VTI1A: variants seen among roughly 807,000 people sequenced by gnomAD.
VTI1A encodes the protein vesicle transport through interaction with t-SNAREs 1A.
Under a neutral mutation model 34.9 loss-of-function variants are expected in VTI1A, and 22 were observed. The observed-to-expected ratio is 0.63, with a 90% CI of 0.45 to 0.90. VTI1A has a LOEUF of 0.90. Ranked by LOEUF, VTI1A falls within the 40% of genes least tolerant of loss-of-function variation. The probability of loss-of-function intolerance (pLI) is 0.00; values close to 1 mark genes in which losing one functional copy is unlikely to be tolerated. For synonymous variants in VTI1A, 87 were observed against 97.3 expected, an observed-to-expected ratio of 0.89 and a Z score of 0.62; for missense variants, 268 against 275.6, an observed-to-expected ratio of 0.97 and a Z score of 0.20.
chr10:112,837,725 A>G, the VTI1A span, among the ~76,000 whole-genome samples: 1 of 152,200 alleles, frequency 6.6e-6, no homozygotes, highest in East Asian at 1.9e-4. Context: ...CCAAGTCCCT[A>G]GAGATATACA....
chr10:112,453,063 C>T (rs1847299701), intron 1 of VTI1A, among the ~76,000 whole-genome samples: 1 of 152,138 alleles, frequency 6.6e-6, no homozygotes, highest in South Asian at 2.1e-4. Context: ...GACAGTTTCT[C>T]AAACTGTCCT....
At chr10:112,675,207 C>T (rs1847981841) in intron 7 of VTI1A, among the ~76,000 whole-genome samples, 1 of 152,220 alleles carries the variant, frequency 6.6e-6, no homozygotes, top group South Asian at 2.1e-4. Context: ...CAGCCACAGT[C>T]CTAGACATTT....
upstream of VTI1A, chr10:112,447,173 A>G (rs1846857778): frequency 5.5e-6 from 3 of 547,098 alleles, no homozygotes; most frequent in East Asian, 8.5e-5. Context: ...CGGAAAATAA[A>G]GCACGCACGC....
At chr10:112,693,978 G>C (rs773457619) in intron 7 of VTI1A, among the ~76,000 whole-genome samples, 2 of 152,158 alleles carry the variant, frequency 1.3e-5, no homozygotes, top group African/African-American at 4.8e-5. Context: ...GAAGGCCAAG[G>C]TGGGCGGATC....
At chr10:112,469,276 A>G (rs1848002674) in intron 3 of VTI1A, among the ~76,000 whole-genome samples, 1 of 152,054 alleles carries the variant, frequency 6.6e-6, no homozygotes, top group Non-Finnish European at 1.5e-5. Context: ...CACTTCTCCA[A>G]GGATACTTTT....
At chr10:112,551,780 G>A (rs1851369118) in intron 5 of VTI1A, among the ~76,000 whole-genome samples, 1 of 152,118 alleles carries the variant, frequency 6.6e-6, no homozygotes, top group Admixed American at 6.5e-5. Flanking sequence ...GAATACATAA[G>A]GAGAGGAGGA....
At chr10:112,563,559 TGACCATTCGACTTGCGAGCCTAAACAA>T (rs1402990531) in intron 5 of VTI1A, among the ~76,000 whole-genome samples, 1 of 152,192 alleles carries the variant, frequency 6.6e-6, no homozygotes, top group Non-Finnish European at 1.5e-5. Context: ...GTGTTTACAT[TGACCATTCGACTTGCGAGCCTAAACAA>T]AGAGACATTA....
intron 7 of VTI1A, among the ~76,000 whole-genome samples, chr10:112,699,744 C>T (rs1296114323): frequency 6.6e-6 from 1 of 151,608 alleles, no homozygotes; most frequent in East Asian, 2.0e-4. Flanking sequence ...GGCAGAATCG[C>T]TTGAACCCAG....
intron 4 of VTI1A, among the ~76,000 whole-genome samples, chr10:112,531,137 A>C (rs1850426063): frequency 6.6e-6 from 1 of 150,720 alleles, no homozygotes; most frequent in African/African-American, 2.4e-5. Flanking sequence ...ATGAACCCTC[A>C]CATGCTCTGC....
At chr10:112,684,487 G>A (rs1465240936) in intron 7 of VTI1A, among the ~76,000 whole-genome samples, 2 of 135,946 alleles carry the variant, frequency 1.5e-5, no homozygotes, top group Non-Finnish European at 3.0e-5. Context: ...CACCCAGGCT[G>A]CAGTACAGTG....
At chr10:112,728,242 G>C (rs1052601508) in intron 7 of VTI1A, among the ~76,000 whole-genome samples, 1 of 152,042 alleles carries the variant, frequency 6.6e-6, no homozygotes, top group Admixed American at 6.5e-5. Context: ...AAAAGTAAAA[G>C]AAGAAAAATT....
At chr10:112,659,952 A>G (rs1227010897) in intron 5 of VTI1A, among the ~76,000 whole-genome samples, 1 of 152,240 alleles carries the variant, frequency 6.6e-6, no homozygotes, top group Non-Finnish European at 1.5e-5. Context: ...AAACAATATG[A>G]TCTGCTTAAA....
chr10:112,654,773 G>T (rs1473451354), intron 5 of VTI1A, among the ~76,000 whole-genome samples: 1 of 152,090 alleles, frequency 6.6e-6, no homozygotes, highest in Non-Finnish European at 1.5e-5. Flanking sequence ...GAGCCACCGC[G>T]CCCGGCCCCA....
chr10:112,821,267 G>A (rs1012690958), downstream of VTI1A, among the ~76,000 whole-genome samples: 3 of 152,068 alleles, frequency 2.0e-5, no homozygotes, highest in Non-Finnish European at 2.9e-5. Context: ...CGGCTCCGCC[G>A]AGAGCTGCCA....
At chr10:112,534,830 A>G (rs1850565878) in intron 4 of VTI1A, among the ~76,000 whole-genome samples, 1 of 152,152 alleles carries the variant, frequency 6.6e-6, no homozygotes, top group Admixed American at 6.5e-5. Flanking sequence ...TGCTTGTTGT[A>G]TTTGCATATA....
intron 7 of VTI1A, among the ~76,000 whole-genome samples, chr10:112,701,626 A>AT (rs1397375700): frequency 6.6e-6 from 1 of 152,190 alleles, no homozygotes; most frequent in Non-Finnish European, 1.5e-5. Flanking sequence ...TTGCTTGGAA[A>AT]TCTAGGTAGC....
At chr10:112,650,382 G>A (rs1220752256) in intron 5 of VTI1A, among the ~76,000 whole-genome samples, 1 of 152,088 alleles carries the variant, frequency 6.6e-6, no homozygotes, top group African/African-American at 2.4e-5. Context: ...CATGCATGGA[G>A]CTGTCATCTC....
chr10:112,565,084 A>G (rs1214630439), intron 5 of VTI1A, among the ~76,000 whole-genome samples: 3 of 152,126 alleles, frequency 2.0e-5, no homozygotes, highest in African/African-American at 7.2e-5. Context: ...TATGGAAGTG[A>G]ATGTATTTAT....
intron 7 of VTI1A, among the ~76,000 whole-genome samples, chr10:112,799,072 C>T (rs1456624883): frequency 5.3e-5 from 8 of 152,152 alleles, no homozygotes; most frequent in African/African-American, 1.4e-4. Context: ...TTTGACTCCA[C>T]GGTTAGGAAT....
Sources: gnomAD v4.1 joint callset for allele counts (sites outside exome capture counted in the v4.1 genomes callset) on GRCh38, gnomAD v4.1.1 for gene constraint, MANE v1.5 for transcripts, NCBI Gene and HGNC (gene_info 2026-07-23, HGNC 2026-07-21) for gene names.